The following SMCHD1 variants were observed in gnomAD, a reference collection of about 807,000 sequenced individuals.
The protein encoded by SMCHD1 is structural maintenance of chromosomes flexible hinge domain-containing protein 1.
In SMCHD1, 78 loss-of-function variants were observed where a neutral mutation model predicts 254.7. The observed-to-expected ratio is 0.31, with a 90% confidence interval of 0.26 to 0.37. The LOEUF (loss-of-function observed/expected upper bound fraction) is 0.37, where lower values mean the gene tolerates loss of function less well. SMCHD1 is among the 10% of genes least tolerant of loss of function. The pLI is 1.00. For synonymous variants in SMCHD1, 766 were observed against 794.9 expected, an observed-to-expected ratio of 0.96 and a Z score of 0.61; for missense variants, 1,840 against 2,408.1, an observed-to-expected ratio of 0.76 and a Z score of 4.94.
intron 3 of SMCHD1, among the ~76,000 whole-genome samples, chr18:2,671,709 C>T (rs2143832696): frequency 6.6e-6 from 1 of 151,534 alleles, no homozygotes; most frequent in African/African-American, 2.4e-5. Flanking sequence ...CATTCTCCTG[C>T]CTCAGTCTCC....
At chr18:2,669,531 A>G (rs942797445) in intron 3 of SMCHD1, among the ~76,000 whole-genome samples, 8 of 151,844 alleles carry the variant, frequency 5.3e-5, no homozygotes, top group African/African-American at 1.5e-4. Context: ...TCCCCACCTT[A>G]TTAATATTGA....
chr18:2,802,794 A>T lies in SMCHD1; in HGVS notation c.*242A>T. On this transcript the variant is annotated 3_prime_UTR_variant, in exon 48 of 48. Transcript: ENST00000320876. ...CCAGACATTATGCCCTTTGGTTGTC[A>T]CTACCTTGCAAATGTGTAAGAGGAA... The T allele has an allele frequency of 2.6e-6, 1 of 390,748 alleles. No individual in the cohort carries two copies. Among genetic ancestry groups the T allele is most frequent in the Non-Finnish European group, 4.6e-6 (1 of 218,514 alleles). 24.2% of individuals were successfully genotyped at this position (390,748 alleles called of 1,614,324 possible).
At chr18:2,775,079 T>A (rs1361144610) in intron 41 of SMCHD1, among the ~76,000 whole-genome samples, 5 of 128,086 alleles carry the variant, frequency 3.9e-5, no homozygotes, top group African/African-American at 1.8e-4. Flanking sequence ...TTTTTTTTTT[T>A]TTTTTTTTTT....
At chr18:2,794,605 T>G in intron 45 of SMCHD1, among the ~76,000 whole-genome samples, 1 of 152,206 alleles carries the variant, frequency 6.6e-6, no homozygotes, top group Non-Finnish European at 1.5e-5. Context: ...ATACTTAGTG[T>G]CTAGTAAATC....
chr18:2,736,782 C>T (rs920564861), intron 25 of SMCHD1, among the ~76,000 whole-genome samples: 1 of 152,156 alleles, frequency 6.6e-6, no homozygotes, highest in Non-Finnish European at 1.5e-5. Context: ...GAAAAGGGAA[C>T]ACTTATGCAC....
intron 22 of SMCHD1, among the ~76,000 whole-genome samples, chr18:2,727,562 C>T (rs1450654593): frequency 6.6e-6 from 1 of 151,948 alleles, no homozygotes; most frequent in Non-Finnish European, 1.5e-5. Context: ...TAGGAAGTAT[C>T]ATGGTGTAGT....
chr18:2,788,160 T>C (rs1248977657), intron 45 of SMCHD1, among the ~76,000 whole-genome samples: 2 of 152,178 alleles, frequency 1.3e-5, no homozygotes, highest in Non-Finnish European at 2.9e-5. Context: ...ATAAAAATTG[T>C]CAACTGCTAG....
rs116727115 is a variant in SMCHD1 at position 2,766,976 on chromosome 18, T to C, written c.4720-2718T>C. Reference sequence around the variant, plus strand: ...TTTAACTACATTAAAAGTTACACTTTCTGCGGGGCACAGTAGCTCATGCCT... The same window carrying C: ...TTTAACTACATTAAAAGTTACACTTCCTGCGGGGCACAGTAGCTCATGCCT... On this transcript the variant is annotated intron_variant, in intron 37 of 47. Coordinates refer to ENST00000320876, the MANE Select transcript of SMCHD1 (RefSeq NM_015295.3). Among the ~76,000 whole-genome samples the C allele has an allele frequency of 4.5e-3, 682 of 152,272 alleles. 5 individuals carry two copies. The highest frequency in any genetic ancestry group is 0.015 in the African/African-American group (630 of 41,558).
intron 13 of SMCHD1, among the ~76,000 whole-genome samples, chr18:2,704,470 C>T (rs1386436032): frequency 6.6e-6 from 1 of 151,930 alleles, no homozygotes; most frequent in Non-Finnish European, 1.5e-5. Context: ...AGGAGATGTG[C>T]TTTGCTCTTG....
Position 2,748,342 on chromosome 18 carries a change from TTGTGTGTGTG to T in SMCHD1, c.3927+727_3927+736del, listed in dbSNP as rs1199860810. Among the ~76,000 whole-genome samples the T allele has an allele frequency of 2.4e-3, 189 of 78,460 alleles. 5 individuals carry two copies. Among genetic ancestry groups the T allele is most frequent in the Non-Finnish European group, 3.2e-3 (131 of 40,698 alleles). The allele number at this position is 78,460 out of a possible 152,430, so 51.5% of individuals were successfully genotyped here. ...GGAAAAGCTGCTAGTCTTTGCAAAGTTGTGTGTGTGTGTGTGTGTGTGTGTGTGTGTGTGT... is the reference window on the plus strand; with the variant it reads ...GGAAAAGCTGCTAGTCTTTGCAAAGTTGTGTGTGTGTGTGTGTGTGTGTGT... On this transcript the variant is annotated intron_variant, in intron 30 of 47. Transcript: ENST00000320876.
chr18:2,776,049 G>T (rs1379905391), intron 42 of SMCHD1, 125 bp downstream of exon 42: 2 of 836,950 alleles, frequency 2.4e-6, no homozygotes, highest in East Asian at 3.0e-5. Context: ...AATTATATAC[G>T]TTATTTTTGT....
intron 17 of SMCHD1, among the ~76,000 whole-genome samples, chr18:2,711,899 A>C (rs1467956122): frequency 6.6e-6 from 1 of 152,102 alleles, no homozygotes; most frequent in Non-Finnish European, 1.5e-5. Flanking sequence ...ATTATTTCCC[A>C]TGAGAGCTGG....
intron 34 of SMCHD1, among the ~76,000 whole-genome samples, chr18:2,755,794 T>C (rs757551919): frequency 5.7e-4 from 86 of 152,032 alleles, no homozygotes; most frequent in Admixed American, 7.2e-4. Context: ...ATCTCGATCT[T>C]CTGACATTGT....
chr18:2,797,898 C>G (rs1387138074), intron 47 of SMCHD1, among the ~76,000 whole-genome samples: 1 of 151,394 alleles, frequency 6.6e-6, no homozygotes, highest in Non-Finnish European at 1.5e-5. Context: ...GTCCGGGCAA[C>G]AAGAGCATAA....
chr18:2,678,574 C>T (rs1467982060), intron 5 of SMCHD1, among the ~76,000 whole-genome samples: 2 of 152,160 alleles, frequency 1.3e-5, no homozygotes, highest in East Asian at 3.8e-4. Context: ...ACCTCGGCCT[C>T]CCAAAGGACT....
At chr18:2,774,232 CAAGT>C (rs1313908836) in intron 41 of SMCHD1, among the ~76,000 whole-genome samples, 2 of 152,226 alleles carry the variant, frequency 1.3e-5, no homozygotes, top group Non-Finnish European at 1.5e-5. Flanking sequence ...CTAAATGTCA[CAAGT>C]AAGCCATTTC....
At chr18:2,736,589 A>T (rs1356005513) in intron 25 of SMCHD1, among the ~76,000 whole-genome samples, 2 of 146,434 alleles carry the variant, frequency 1.4e-5, no homozygotes, top group Non-Finnish European at 3.1e-5. Context: ...GGCAAAGGAT[A>T]TGAATAGATA....
intron 5 of SMCHD1, among the ~76,000 whole-genome samples, chr18:2,675,675 T>C (rs548842229): frequency 6.6e-6 from 1 of 152,260 alleles, no homozygotes; most frequent in African/African-American, 2.4e-5. Flanking sequence ...AGTGTGAGGA[T>C]AGGATTTAGC....
intron 45 of SMCHD1, among the ~76,000 whole-genome samples, chr18:2,791,034 A>G (rs1054741577): frequency 2.6e-5 from 4 of 152,236 alleles, no homozygotes; most frequent in Admixed American, 2.6e-4. Flanking sequence ...AAATTAAAAG[A>G]ATTTATTAAG....
Sources: gnomAD v4.1 joint callset for allele counts (sites outside exome capture counted in the v4.1 genomes callset) on GRCh38, gnomAD v4.1.1 for gene constraint, MANE v1.5 for transcripts, NCBI Gene and HGNC (gene_info 2026-07-23, HGNC 2026-07-21) for gene names.